The following NF1 variants were observed in gnomAD, a reference collection of about 807,000 sequenced individuals.
The protein encoded by NF1 is neurofibromin.
Under a neutral mutation model 325.7 loss-of-function variants are expected in NF1, and 122 were observed. That is an observed-to-expected ratio of 0.37 (90% CI 0.32 to 0.44). The LOEUF is 0.44. Ranked by LOEUF, NF1 falls within the 20% of genes least tolerant of loss-of-function variation. The probability of loss-of-function intolerance (pLI) is 1.00; values close to 1 mark genes in which losing one functional copy is unlikely to be tolerated. For synonymous variants in NF1, 1,091 were observed against 1,186.0 expected (o/e 0.92, Z 1.65); for missense variants, 2,140 against 3,415.4 (o/e 0.63, Z 9.31).
intron 6 of NF1, 30 bp from the exon 7 acceptor site, chr17:31,181,680 C>T (rs764370458): frequency 6.6e-7 from 1 of 1,514,712 alleles, no homozygotes; most frequent in Non-Finnish European, 9.2e-7. Context: ...CAAAAAATCA[C>T]TGTAAAGACA....
intron 36 of NF1, among the ~76,000 whole-genome samples, chr17:31,317,374 C>A (rs1691163632): frequency 6.6e-6 from 1 of 150,404 alleles, no homozygotes; most frequent in African/African-American, 2.5e-5. Context: ...TTTGAACACA[C>A]ACACACACAC....
chr17:31,242,734 A>C (rs1288101521), intron 29 of NF1, among the ~76,000 whole-genome samples: 1 of 152,126 alleles, frequency 6.6e-6, no homozygotes, highest in East Asian at 1.9e-4. Context: ...CAAAACAGCT[A>C]TTTTGACTCC....
rs2066133060 is a variant in NF1, at chr17:31,181,503, T to A, written c.654+14T>A. The A allele has an allele frequency of 6.2e-7, 1 of 1,611,980 alleles. No individual in the cohort carries two copies. The highest frequency in any genetic ancestry group is 8.5e-7 in the Non-Finnish European group (1 of 1,178,308). On this transcript the variant is annotated intron_variant, in intron 6 of 57. Transcript: ENST00000358273. ...AGCCTGGAAAAGGTAAGTTACAACC[T>A]CTCTGGTATTAAAATTTTGTTTTTG...
At chr17:31,298,113 G>C (rs1450085023) in intron 36 of NF1, among the ~76,000 whole-genome samples, 2 of 152,068 alleles carry the variant, frequency 1.3e-5, no homozygotes, top group African/African-American at 4.8e-5. Context: ...AAGAATAGCA[G>C]TATCAATTTA....
chr17:31,268,697 A>T (rs1449894733), intron 36 of NF1, among the ~76,000 whole-genome samples: 1 of 149,842 alleles, frequency 6.7e-6, no homozygotes, highest in African/African-American at 2.5e-5. Context: ...ATGTGTTTTA[A>T]TTTTTTTTGT....
chr17:31,140,141 C>T (rs1056634195), intron 1 of NF1, among the ~76,000 whole-genome samples: 1 of 152,192 alleles, frequency 6.6e-6, no homozygotes, highest in African/African-American at 2.4e-5. Context: ...TACATTCTAG[C>T]ACAACAGTGG....
In NF1 at chr17:31,258,274, T is replaced by C. The variant is rs189741083; in HGVS notation, c.4174-70T>C. 3.7e-4 allele frequency: 578 copies of C among 1,558,702 alleles called. 3 individuals carry two copies. In the Middle Eastern group the frequency reaches 5.2e-3, roughly 14 times the overall value. On this transcript the variant is annotated intron_variant, in intron 31 of 57. Transcript: ENST00000358273. ...GAGTTTTTATGCAAAGTTTGACCTT[T>C]GAACTCTTTGTTTTCATGTCTTTAT...
In NF1 at chr17:31,357,348, T is replaced by C. The variant is rs754443238; in HGVS notation, c.7949T>C (p.Phe2650Ser). 2 of 1,613,820 alleles carry C rather than the reference T, an allele frequency of 1.2e-6. No individual in the cohort carries two copies. The highest frequency in any genetic ancestry group is 1.7e-6 in the Non-Finnish European group (2 of 1,179,712). Residue 2650 changes from phenylalanine (F) to serine (S), a missense_variant, in exon 54 of 58, where the codon TTT becomes TCT. By Grantham distance (155) the Phe-to-Ser change is radical. Around this residue, in one of 10 missense-constraint regions of NF1, gnomAD observed 522 missense variants for 749.0 expected, o/e 0.70. Transcript: ENST00000358273. The stretch of plus-strand genomic sequence containing the variant: ...TACTTAGCAGAGGCCAGTGTTGTGT[T>C]TCCCAAAGTCTTTCCTGTTGTGTAA... ...YEYLAEASVV[F>S]PKVFPVVHNL...
chr17:31,290,477 A>G (rs1414649500), intron 36 of NF1, among the ~76,000 whole-genome samples: 1 of 152,154 alleles, frequency 6.6e-6, no homozygotes, highest in African/African-American at 2.4e-5. Context: ...TGTTCTAAAC[A>G]CTTTATCTGT....
At chr17:31,222,418 A>G (rs1162824733) in intron 15 of NF1, 45 of 1,032,564 alleles carry the variant, frequency 4.4e-5, no homozygotes, top group Non-Finnish European at 5.2e-5. Flanking sequence ...CCTAGATTAT[A>G]CAAATCATTA....
chr17:31,207,660 G>A (rs2066647819), intron 12 of NF1, among the ~76,000 whole-genome samples: 1 of 151,916 alleles, frequency 6.6e-6, no homozygotes, highest in African/African-American at 2.4e-5. Context: ...TTTTTTTTAA[G>A]TTGAAGAAAT....
In NF1 at chr17:31,332,285, G is replaced by A. The variant is rs540899732; in HGVS notation, c.5812+1787G>A. Among the ~76,000 whole-genome samples, 4 of 152,196 alleles carry A rather than the reference G, an allele frequency of 2.6e-5. No homozygotes were observed. The South Asian group carries it at 8.3e-4, about 32-fold the overall frequency. On this transcript the variant is annotated intron_variant, in intron 39 of 57. Transcript: ENST00000358273. ...TCGAGACCAGCCTGGCCAATATGGT[G>A]AAATCCCCTCTCTACTAAAAATACA...
At chr17:31,144,892 T>C (rs1009417153) in intron 1 of NF1, among the ~76,000 whole-genome samples, 2 of 152,248 alleles carry the variant, frequency 1.3e-5, no homozygotes. Context: ...CAAAATCTTA[T>C]TGCGGGAAAG....
rs748566277 is a variant in NF1 at position 31,327,516 on chromosome 17, C to T, written c.5286C>T (p.Val1762=). The change falls in exon 38 of 58, where the codon GTC becomes GTT. Residue 1762 remains valine, a synonymous_variant. Transcript: ENST00000358273. ...KVSIKVGSTA[V]QVTSAERTKV... ...CTTTCCAGGTTGGTTCTACTGCTGTCCAAGTAACTTCAGCAGAGCGAACAA... is the reference window on the plus strand; with the variant it reads ...CTTTCCAGGTTGGTTCTACTGCTGTTCAAGTAACTTCAGCAGAGCGAACAA... 2 of 1,613,552 alleles carry T rather than the reference C, an allele frequency of 1.2e-6. No individual in the cohort carries two copies. Among genetic ancestry groups the T allele is most frequent in the Admixed American group, 3.3e-5 (2 of 60,008 alleles).
chr17:31,324,949 A>G (rs180887064), intron 36 of NF1, among the ~76,000 whole-genome samples: 41 of 152,338 alleles, frequency 2.7e-4, no homozygotes, highest in African/African-American at 9.1e-4. Flanking sequence ...GAATCATCAC[A>G]TATGGAAAAC....
intron 36 of NF1, among the ~76,000 whole-genome samples, chr17:31,305,871 C>T (rs2068707134): frequency 6.6e-6 from 1 of 152,216 alleles, no homozygotes. Context: ...AGTGATCTCT[C>T]TTCTTTTATT....
chr17:31,097,982 C>T (rs572193706), intron 1 of NF1, among the ~76,000 whole-genome samples: 4 of 152,204 alleles, frequency 2.6e-5, no homozygotes, highest in South Asian at 4.1e-4. Flanking sequence ...GCTGGGATTA[C>T]AGGCATGAGC....
intron 5 of NF1, among the ~76,000 whole-genome samples, chr17:31,173,751 A>C (rs2143730081): frequency 6.6e-6 from 1 of 152,320 alleles, no homozygotes. Flanking sequence ...TGACCAGGAA[A>C]ATGATAAATT....
chr17:31,263,411 A>G (rs2151468256), intron 35 of NF1, among the ~76,000 whole-genome samples: 1 of 152,084 alleles, frequency 6.6e-6, no homozygotes, highest in South Asian at 2.1e-4. Flanking sequence ...TAGGTGACAG[A>G]ATGAGACCTT....
Sources: gnomAD v4.1 joint callset for allele counts (sites outside exome capture counted in the v4.1 genomes callset) on GRCh38, gnomAD v4.1.1 for gene constraint, gnomAD v4.1.1 regional missense constraint, MANE v1.5 for transcripts, NCBI Gene and HGNC (gene_info 2026-07-23, HGNC 2026-07-21) for gene names.